AFDN: variants seen among roughly 807,000 people sequenced by gnomAD.
The protein encoded by AFDN is afadin, adherens junction formation factor.
Under a neutral mutation model 216.6 loss-of-function variants are expected in AFDN, and 68 were observed. The ratio of observed to expected loss-of-function variants is 0.31; its 90% CI spans 0.26 to 0.38. The LOEUF (loss-of-function observed/expected upper bound fraction) is 0.38, where lower values mean the gene tolerates loss of function less well. AFDN is among the 10% of genes least tolerant of loss of function. AFDN has a pLI of 1.00. For missense variants in AFDN, 2,136 were observed against 2,342.0 expected (o/e 0.91, Z 1.82); for synonymous variants, 868 against 853.7 (o/e 1.02, Z -0.29).
At chr6:167,830,448 C>T (rs1779700552) in intron 1 of AFDN, among the ~76,000 whole-genome samples, 1 of 152,174 alleles carries the variant, frequency 6.6e-6, no homozygotes, top group African/African-American at 2.4e-5. Context: ...TACCTTTATT[C>T]ATGACAAAAT....
At chr6:167,903,376 T>C (rs1789236123) in intron 12 of AFDN, among the ~76,000 whole-genome samples, 1 of 152,182 alleles carries the variant, frequency 6.6e-6, no homozygotes, top group Non-Finnish European at 1.5e-5. Context: ...TGTCTCACAT[T>C]CTCTCCATGG....
rs149220277 is a variant in AFDN at position 167,892,054 on chromosome 6, C to T, written c.1177+1025C>T. On this transcript the variant is annotated intron_variant, in intron 8 of 33. Transcript: ENST00000683244. ...ATTGCAATTAACTAATGATTACATA[C>T]GATATTTGTTGTCCAGCAGTCTCAT... 2.9e-3 allele frequency among the ~76,000 whole-genome samples: 444 copies of T among 152,182 alleles called. 3 individuals are homozygous for T. Among genetic ancestry groups the T allele is most frequent in the African/African-American group, 9.6e-3 (399 of 41,496 alleles).
At chr6:167,897,411 G>A (rs1401708060) in intron 10 of AFDN, among the ~76,000 whole-genome samples, 1 of 152,154 alleles carries the variant, frequency 6.6e-6, no homozygotes, top group African/African-American at 2.4e-5. Flanking sequence ...AATAAATGAA[G>A]TCAGAATTTG....
intron 30 of AFDN, among the ~76,000 whole-genome samples, chr6:167,961,559 C>T (rs572257922): frequency 6.2e-4 from 95 of 152,066 alleles, no homozygotes; most frequent in Non-Finnish European, 1.2e-3. Flanking sequence ...ATTTGAAGGA[C>T]ATCCTTAAGT....
intron 1 of AFDN, among the ~76,000 whole-genome samples, chr6:167,853,787 A>G (rs1034406090): frequency 1.1e-4 from 17 of 152,068 alleles, no homozygotes; most frequent in African/African-American, 4.1e-4. Context: ...CTTATGCATC[A>G]TGCCATATCA....
chr6:167,948,107 T>C, intron 28 of AFDN, 163 bp downstream of exon 28: 1 of 748,042 alleles, frequency 1.3e-6, no homozygotes, highest in Non-Finnish European at 2.1e-6. Context: ...ACTAGTCAGG[T>C]AAATCAGTTT....
chr6:167,839,398 T>C (rs1198707813), intron 1 of AFDN, among the ~76,000 whole-genome samples: 3 of 152,302 alleles, frequency 2.0e-5, no homozygotes, highest in East Asian at 1.9e-4. Flanking sequence ...ATTAAAATTA[T>C]GGACATTTAA....
At chr6:167,906,336 T>G (rs889282478) in intron 12 of AFDN, among the ~76,000 whole-genome samples, 1 of 152,224 alleles carries the variant, frequency 6.6e-6, no homozygotes, top group Admixed American at 6.5e-5. Flanking sequence ...AAAAAGTGTT[T>G]TTTTATCAAG....
Position 167,914,232 on chromosome 6 carries a change from T to C in AFDN, c.2123T>C (p.Phe708Ser). Reference sequence around the variant, plus strand: ...GCAAATGCATCTGAACTTCTCAACTTCATTAAGCAAGACCGAGACCTTAGT... The same window carrying C: ...GCAAATGCATCTGAACTTCTCAACTCCATTAAGCAAGACCGAGACCTTAGT... ...WMANASELLNFIKQDRDLSRI... is the reference protein window; with the variant it reads ...WMANASELLNSIKQDRDLSRI... Residue 708 changes from phenylalanine (F) to serine (S), a missense_variant, in exon 17 of 34, where the codon TTC (phenylalanine) becomes TCC (serine). Physicochemically the swap from Phe to Ser is radical, Grantham distance 155 (BLOSUM62 -2). Coordinates refer to ENST00000683244, the MANE Select transcript of AFDN (RefSeq NM_001386888.1). 1 of 1,614,204 alleles carries C rather than the reference T, an allele frequency of 6.2e-7. No individual in the cohort carries two copies. Among genetic ancestry groups the C allele is most frequent in the Non-Finnish European group, 8.5e-7 (1 of 1,180,026 alleles).
chr6:167,941,928 C>T (rs930805240), intron 23 of AFDN, among the ~76,000 whole-genome samples: 10 of 152,208 alleles, frequency 6.6e-5, no homozygotes, highest in Non-Finnish European at 1.5e-4. Context: ...GATAATGTAA[C>T]CCATGAAATT....
chr6:167,914,035 G>A, intron 16 of AFDN, 133 bp from the exon 17 acceptor site: 1 of 891,016 alleles, frequency 1.1e-6, no homozygotes, highest in Non-Finnish European at 1.7e-6. Context: ...CAAATATCTG[G>A]TATCTGTGGT....
intron 2 of AFDN, among the ~76,000 whole-genome samples, chr6:167,865,327 C>G (rs1209780772): frequency 6.6e-6 from 1 of 151,978 alleles, no homozygotes; most frequent in Admixed American, 6.6e-5. Flanking sequence ...TAAAATTAGA[C>G]TGATTAAGAA....
chr6:167,918,379 G>A (rs1791371513), intron 20 of AFDN, among the ~76,000 whole-genome samples: 1 of 152,066 alleles, frequency 6.6e-6, no homozygotes, highest in Non-Finnish European at 1.5e-5. Context: ...TACAAATATA[G>A]TTATTAACAG....
chr6:167,831,763 G>A (rs1051822903), intron 1 of AFDN, among the ~76,000 whole-genome samples: 1 of 152,182 alleles, frequency 6.6e-6, no homozygotes, highest in Non-Finnish European at 1.5e-5. Context: ...AAACGTTTAT[G>A]ATTGTCATTA....
At chr6:167,902,246 G>A (rs1303082961) in intron 11 of AFDN, 71 bp from the exon 12 acceptor site, 3 of 1,085,428 alleles carry the variant, frequency 2.8e-6, no homozygotes, top group Non-Finnish European at 4.2e-6. Context: ...TCTTCCTTGT[G>A]TATTAAGAAG....
At chr6:167,915,473 A>G (rs2128471189) in intron 19 of AFDN, 40 bp downstream of exon 19, 1 of 1,566,072 alleles carries the variant, frequency 6.4e-7, no homozygotes, top group Non-Finnish European at 8.7e-7. Flanking sequence ...GTGCTTTATG[A>G]TAAAGGCATC....
At chr6:167,885,351 C>T (rs1278434261) in intron 6 of AFDN, among the ~76,000 whole-genome samples, 2 of 152,158 alleles carry the variant, frequency 1.3e-5, no homozygotes, top group African/African-American at 2.4e-5. Flanking sequence ...TCTGGGCTTT[C>T]GACATGCCTT....
intron 30 of AFDN, among the ~76,000 whole-genome samples, chr6:167,953,344 G>A (rs1460471949): frequency 6.6e-6 from 1 of 152,146 alleles, no homozygotes; most frequent in Non-Finnish European, 1.5e-5. Context: ...TTGGAGCCCA[G>A]TAGTGTGATT....
Position 167,951,083 on chromosome 6 carries a change from A to C in AFDN, c.3832-103A>C. 1 of 1,430,794 alleles carries C rather than the reference A, an allele frequency of 7.0e-7. No homozygotes were observed. The highest frequency in any genetic ancestry group is 9.2e-7 in the Non-Finnish European group (1 of 1,092,222). 88.6% of individuals were successfully genotyped at this position (1,430,794 alleles called of 1,614,324 possible). A position where few individuals can be genotyped will look rare whatever the true frequency, so the allele number is the denominator to read the frequency against. On this transcript the variant is annotated intron_variant, in intron 29 of 33. Transcript: ENST00000683244. The surrounding 1 kb of genome is among the most constrained non-coding windows in gnomAD (Gnocchi z 7.1). ...GGGCAGTCTCAGTCTCTTTCTGTAC[A>C]CTGATTTAACAGTTTTTCTTCTGTC...
Sources: allele counts gnomAD v4.1 joint callset (sites outside exome capture counted in the v4.1 genomes callset), GRCh38; gene constraint gnomAD v4.1.1; non-coding constraint Gnocchi (gnomAD v3.1); transcripts MANE v1.5; gene names NCBI Gene and HGNC (gene_info 2026-07-23, HGNC 2026-07-21).